Variants in ZNF778 observed in about 807,000 individuals in gnomAD.
ZNF778 encodes zinc finger protein 778.
In ZNF778, 37 loss-of-function variants were observed where a neutral mutation model predicts 23.9. The ratio of observed to expected loss-of-function variants is 1.54; its 90% CI spans 1.19 to 2.03. ZNF778 has a LOEUF of 2.03. Ranked by LOEUF, ZNF778 falls within the 30% of genes most tolerant of loss-of-function variation. The probability of loss-of-function intolerance (pLI) is 0.00; values close to 1 mark genes in which losing one functional copy is unlikely to be tolerated. For missense variants in ZNF778, 1,297 were observed against 934.4 expected, an observed-to-expected ratio of 1.39 and a Z score of -5.06; for synonymous variants, 483 against 343.9, an observed-to-expected ratio of 1.40 and a Z score of -4.48.
chr16:89,218,301 T>A (rs931702920), intron 1 of ZNF778: 4 of 152,244 alleles, frequency 2.6e-5, no homozygotes, highest in Non-Finnish European at 5.9e-5. Flanking sequence ...CTGCAATCGT[T>A]TTACTCCTTT....
At position 89,227,515 on chromosome 16, in the gene ZNF778, T is replaced by A. The variant is rs2031596981; in HGVS notation, c.1227T>A (p.Asn409Lys). 1 of 1,614,028 alleles carries A rather than the reference T, an allele frequency of 6.2e-7. No homozygotes were observed. The highest frequency in any genetic ancestry group is 8.5e-7 in the Non-Finnish European group (1 of 1,179,952). ...GKYFRNSSCL[N>K]NHVRIHTGIK... ...ATTTTAGAAATTCCTCATGCCTTAA[T>A]AATCATGTTCGAATTCACACTGGAA... is the stretch of plus-strand genomic sequence containing the variant. The change falls in exon 7 of 7, where the codon AAT (asparagine) becomes AAA (lysine). Residue 409 changes from asparagine (N) to lysine (K), a missense_variant. Coordinates refer to ENST00000433976, the MANE Select transcript of ZNF778 (RefSeq NM_001201407.2).
At chr16:89,220,871 T>G (rs974655462) in intron 1 of ZNF778, 126 bp from the exon 2 acceptor site, 21 of 485,290 alleles carry the variant, frequency 4.3e-5, no homozygotes, top group Non-Finnish European at 6.4e-5. Context: ...GTAGGTGACG[T>G]GGATATTACT....
rs8059686 is a variant in ZNF778, at chr16:89,229,449, G to A, written c.*887G>A. 2 of 918,978 alleles carry A rather than the reference G, an allele frequency of 2.2e-6. No homozygotes were observed. The highest frequency in any genetic ancestry group is 2.5e-6 in the Non-Finnish European group (2 of 803,388). 56.9% of individuals were successfully genotyped at this position (918,978 alleles called of 1,614,324 possible). A position where few individuals can be genotyped will look rare whatever the true frequency, so the allele number is the denominator to read the frequency against. ...GCTCTGGTTGGTTAGTCTTGAGGAT[G>A]CAGATGTGATTCTGTGTGAGCAGCG... On this transcript the variant is annotated 3_prime_UTR_variant, in exon 7 of 7. Coordinates refer to ENST00000433976, the MANE Select transcript of ZNF778 (RefSeq NM_001201407.2).
Position 89,227,369 on chromosome 16 carries a change from G to A in ZNF778, c.1081G>A (p.Gly361Arg), listed in dbSNP as rs768335498. 4 of 1,613,954 alleles carry A rather than the reference G, an allele frequency of 2.5e-6. No individual in the cohort carries two copies. The highest frequency in any genetic ancestry group is 2.2e-5 in the East Asian group (1 of 44,886). The change falls in exon 7 of 7, where the codon GGA (glycine) becomes AGA (arginine). Residue 361 changes from glycine (G) to arginine (R), a missense_variant. Physicochemically the swap from Gly to Arg is moderately radical, Grantham distance 125. Transcript: ENST00000433976. ...TTCTAAACACGTCCAAACAGACCCT[G>A]GACAGAAGCCCTATGAATGTAAGGA... ...GLSKHVQTDP[G>R]QKPYECKDCG... is the part of the protein sequence containing the mutation.
intron 3 of ZNF778, among the ~76,000 whole-genome samples, chr16:89,222,787 T>G (rs2031083338): frequency 6.6e-6 from 1 of 152,242 alleles, no homozygotes; most frequent in Non-Finnish European, 1.5e-5. Context: ...CATCACGAGT[T>G]ACCACTTGTT....
rs149117477 is a variant in ZNF778, at chr16:89,224,098, G to A, written c.245-621G>A. On this transcript the variant is annotated intron_variant, in intron 4 of 6. Transcript: ENST00000433976. ...AGGCTGGGTGCAGTGGCTCAGGGCT[G>A]TAATCCGAGCACTCTGGGAGGCTGG... 1.9e-3 allele frequency among the ~76,000 whole-genome samples: 283 copies of A among 147,766 alleles called. 2 individuals are homozygous for A. The highest frequency in any genetic ancestry group is 6.8e-3 in the African/African-American group (272 of 40,278).
rs111564396 is a variant in ZNF778 at position 89,233,778 on chromosome 16, G to A, written c.*5216G>A. ...TCGCACTGCGTATGCAACTCAACTC[G>A]CACTGCGTATGCAACTCAGCTCGCA... On this transcript the variant is annotated 3_prime_UTR_variant, in exon 7 of 7. Transcript: ENST00000433976. 123 of 1,261,770 alleles carry A rather than the reference G, an allele frequency of 9.7e-5. No individual in the cohort carries two copies. In the African/African-American group the frequency reaches 1.5e-3, roughly 16 times the overall value. The allele number at this position is 1,261,770 out of a possible 1,614,324, so 78.2% of individuals were successfully genotyped here. A position where few individuals can be genotyped will look rare whatever the true frequency, so the allele number is the denominator to read the frequency against.
chr16:89,220,320 C>T (rs148008592), intron 1 of ZNF778, among the ~76,000 whole-genome samples: 3 of 152,320 alleles, frequency 2.0e-5, no homozygotes, highest in Non-Finnish European at 4.4e-5. Flanking sequence ...TCTAGACCTA[C>T]CTTTGTCCTG....
intron 1 of ZNF778, among the ~76,000 whole-genome samples, chr16:89,219,048 G>A (rs1202205269): frequency 6.7e-6 from 1 of 148,706 alleles, no homozygotes; most frequent in African/African-American, 2.5e-5. Flanking sequence ...CACAGGTTGC[G>A]GTGAGCCAAG....
Position 89,229,500 on chromosome 16 carries a change from G to A in ZNF778, c.*938G>A, listed in dbSNP as rs1331839719. ...TAGGCTCTGGTTGGTTAGTCTTGAG[G>A]ATCCAGATGTGATTCTGTGAGCAGC... On this transcript the variant is annotated 3_prime_UTR_variant, in exon 7 of 7. Transcript: ENST00000433976. 4.1e-6 allele frequency: 4 copies of A among 972,194 alleles called. No individual in the cohort carries two copies. Among genetic ancestry groups the A allele is most frequent in the Non-Finnish European group, 2.4e-6 (2 of 826,696 alleles). 60.2% of individuals were successfully genotyped at this position (972,194 alleles called of 1,614,324 possible). A position where few individuals can be genotyped will look rare whatever the true frequency, so the allele number is the denominator to read the frequency against.
At chr16:89,222,717 C>G (rs558354518) in intron 3 of ZNF778, among the ~76,000 whole-genome samples, 1 of 152,212 alleles carries the variant, frequency 6.6e-6, no homozygotes, top group Non-Finnish European at 1.5e-5. Flanking sequence ...TCGTACTTTG[C>G]TTAGTGCTCT....
At chr16:89,223,839 A>G (rs1014361872) in intron 4 of ZNF778, among the ~76,000 whole-genome samples, 1 of 151,480 alleles carries the variant, frequency 6.6e-6, no homozygotes, top group Non-Finnish European at 1.5e-5. Context: ...ATGCCACTGC[A>G]CTCCAGCCTG....
chr16:89,225,964 C>T (rs537950842), intron 6 of ZNF778, among the ~76,000 whole-genome samples: 145 of 150,100 alleles, frequency 9.7e-4, no homozygotes, highest in African/African-American at 3.4e-3. Context: ...CAGGCTGGAG[C>T]GCAGTGGCAC....
At chr16:89,221,203 C>A (rs918540263) in intron 2 of ZNF778, 51 bp downstream of exon 2, 1 of 1,440,492 alleles carries the variant, frequency 6.9e-7, no homozygotes, top group Admixed American at 2.6e-5. Context: ...GGTCCTGATA[C>A]ACAGTGTGTG....
rs1308453232 is a variant in ZNF778, at chr16:89,225,138, C to T, written c.328+336C>T. ...TTTTTTTTTTTTTTTTTTTTTGAGA[C>T]GGAGTCTTGCTCTGTTGCCCAGGCT... is the stretch of plus-strand genomic sequence containing the variant. On this transcript the variant is annotated intron_variant, in intron 5 of 6. Coordinates refer to ENST00000433976, the MANE Select transcript of ZNF778 (RefSeq NM_001201407.2). Among the ~76,000 whole-genome samples the T allele has an allele frequency of 2.8e-3, 201 of 72,080 alleles. 4 individuals carry two copies. In the Admixed American group the frequency reaches 0.034, roughly 12 times the overall value. 47.3% of individuals were successfully genotyped at this position (72,080 alleles called of 152,430 possible). A position where few individuals can be genotyped will look rare whatever the true frequency, so the allele number is the denominator to read the frequency against.
rs2031665690 is a variant in ZNF778 at position 89,228,098 on chromosome 16, C to G, written c.1810C>G (p.Leu604Val). Residue 604 changes from leucine to valine, a missense_variant, in exon 7 of 7, where the codon CTA (leucine) becomes GTA (valine). Transcript: ENST00000433976. ...GAAAACATTCACTGTTTCTTCGAGCCTAACCGAGCACATACGAACTCACAC... is the reference window on the plus strand; with the variant it reads ...GAAAACATTCACTGTTTCTTCGAGCGTAACCGAGCACATACGAACTCACAC... ...CGKTFTVSSS[L>V]TEHIRTHTGE... 3.1e-6 allele frequency: 5 copies of G among 1,612,906 alleles called. No individual in the cohort carries two copies. The highest frequency in any genetic ancestry group is 4.2e-6 in the Non-Finnish European group (5 of 1,179,176).
At position 89,235,642 on chromosome 16, in the gene ZNF778, A is replaced by G. The variant is rs980247226; in HGVS notation, c.*7080A>G. The G allele has an allele frequency of 3.9e-5, 6 of 152,332 alleles. No individual in the cohort carries two copies. The East Asian group carries it at 5.8e-4, about 15-fold the overall frequency. 9.4% of individuals were successfully genotyped at this position (152,332 alleles called of 1,614,324 possible). A position where few individuals can be genotyped will look rare whatever the true frequency, so the allele number is the denominator to read the frequency against. ...AACCTAAAATTCAGAAGTGTAGACT[A>G]TAATCTTAAATTATTCAGCATATGT... On this transcript the variant is annotated 3_prime_UTR_variant, in exon 7 of 7. Coordinates refer to ENST00000433976, the MANE Select transcript of ZNF778 (RefSeq NM_001201407.2).
At position 89,228,911 on chromosome 16, in the gene ZNF778, T is replaced by C; in HGVS notation, c.*349T>C. On this transcript the variant is annotated 3_prime_UTR_variant, in exon 7 of 7. Coordinates refer to ENST00000433976, the MANE Select transcript of ZNF778 (RefSeq NM_001201407.2). ...GTGAGAATTGTTGGGAAGTCATTTT[T>C]TACATTACATCTTTCCTCACCCTTT... 2 of 1,018,020 alleles carry C rather than the reference T, an allele frequency of 2.0e-6. No individual in the cohort carries two copies. The highest frequency in any genetic ancestry group is 2.3e-6 in the Non-Finnish European group (2 of 851,440). The allele number at this position is 1,018,020 out of a possible 1,614,324, so 63.1% of individuals were successfully genotyped here.
At chr16:89,224,828 G>A (rs1279505372) in intron 5 of ZNF778, 26 bp downstream of exon 5, 22 of 1,467,668 alleles carry the variant, frequency 1.5e-5, no homozygotes, top group Non-Finnish European at 2.0e-5. Flanking sequence ...ACGCCTGGTC[G>A]ATGTCAAGTT....
Sources: allele counts gnomAD v4.1 joint callset (sites outside exome capture counted in the v4.1 genomes callset), GRCh38; gene constraint gnomAD v4.1.1; transcripts MANE v1.5; gene names NCBI Gene and HGNC (gene_info 2026-07-23, HGNC 2026-07-21).